The following BANK1 variants were observed in gnomAD, a reference collection of about 807,000 sequenced individuals.
BANK1 encodes B cell scaffold protein with ankyrin repeats 1.
In BANK1, 95 loss-of-function variants were observed where a neutral mutation model predicts 94.5. The observed-to-expected ratio is 1.00, with a 90% CI of 0.85 to 1.19. BANK1 has a LOEUF of 1.19. Ranked by LOEUF, BANK1 falls within the 50% of genes most tolerant of loss-of-function variation. The pLI is 0.00. For synonymous variants in BANK1, 334 were observed against 308.4 expected (o/e 1.08, Z -0.87); for missense variants, 987 against 932.2 (o/e 1.06, Z -0.77).
chr4:101,830,504 C>A (rs1013821220), intron 2 of BANK1, among the ~76,000 whole-genome samples: 1 of 152,028 alleles, frequency 6.6e-6, no homozygotes, highest in African/African-American at 2.4e-5. Flanking sequence ...AGTCATATGA[C>A]AGTTTGGTTC....
intron 3 of BANK1, among the ~76,000 whole-genome samples, chr4:101,861,839 T>G (rs1245642644): frequency 6.6e-6 from 1 of 152,090 alleles, no homozygotes; most frequent in Non-Finnish European, 1.5e-5. Context: ...AATCTTTCAT[T>G]CCTAGTATTT....
At chr4:101,932,750 A>C (rs1723400547) in intron 7 of BANK1, among the ~76,000 whole-genome samples, 1 of 151,556 alleles carries the variant, frequency 6.6e-6, no homozygotes, top group African/African-American at 2.4e-5. Context: ...GAAAATATAT[A>C]CATGTACTGG....
At chr4:101,938,880 C>A (rs142064534) in intron 7 of BANK1, among the ~76,000 whole-genome samples, 23 of 151,818 alleles carry the variant, frequency 1.5e-4, no homozygotes, top group Non-Finnish European at 3.1e-4. Flanking sequence ...AGTCAACTCT[C>A]ATCTCTCCCT....
At chr4:101,823,015 T>C (rs1305869371) in intron 1 of BANK1, among the ~76,000 whole-genome samples, 1 of 152,172 alleles carries the variant, frequency 6.6e-6, no homozygotes, top group Non-Finnish European at 1.5e-5. Flanking sequence ...TGTGCATGTG[T>C]CTTTATGGTT....
At chr4:101,845,240 A>G (rs1469671533) in intron 2 of BANK1, among the ~76,000 whole-genome samples, 1 of 152,094 alleles carries the variant, frequency 6.6e-6, no homozygotes, top group Non-Finnish European at 1.5e-5. Context: ...TGTACCAACA[A>G]AAGTTAAAAA....
chr4:101,937,086 G>A (rs1281557493), intron 7 of BANK1, among the ~76,000 whole-genome samples: 2 of 151,658 alleles, frequency 1.3e-5, no homozygotes, highest in Non-Finnish European at 3.0e-5. Flanking sequence ...AAAGAAAATG[G>A]GGTATGTGTT....
At chr4:101,852,932 T>C (rs533195005) in intron 2 of BANK1, among the ~76,000 whole-genome samples, 1 of 152,294 alleles carries the variant, frequency 6.6e-6, no homozygotes, top group African/African-American at 2.4e-5. Context: ...TGACTTCTCC[T>C]TCTTTTAAGG....
intron 6 of BANK1, among the ~76,000 whole-genome samples, chr4:101,906,869 C>T (rs1289542874): frequency 1.3e-5 from 2 of 152,188 alleles, no homozygotes; most frequent in East Asian, 3.9e-4. Flanking sequence ...AAGACCACCT[C>T]AGTTGGGGAG....
intron 3 of BANK1, among the ~76,000 whole-genome samples, chr4:101,856,527 C>T (rs1460514502): frequency 6.6e-6 from 1 of 152,070 alleles, no homozygotes; most frequent in African/African-American, 2.4e-5. Flanking sequence ...AAAAAGAAAA[C>T]CCTCTGAAAC....
chr4:101,884,667 C>T (rs1389515744), intron 5 of BANK1, among the ~76,000 whole-genome samples: 2 of 152,152 alleles, frequency 1.3e-5, no homozygotes, highest in African/African-American at 2.4e-5. Flanking sequence ...ATAAGAGTCT[C>T]CTTAATATCT....
chr4:101,906,945 G>T (rs1179903476), intron 6 of BANK1, among the ~76,000 whole-genome samples: 3 of 152,172 alleles, frequency 2.0e-5, no homozygotes, highest in African/African-American at 7.2e-5. Flanking sequence ...TGTGAAGTGG[G>T]AAATCAGGGG....
chr4:101,922,807 T>G (rs1179229977), intron 7 of BANK1, among the ~76,000 whole-genome samples: 1 of 151,892 alleles, frequency 6.6e-6, no homozygotes, highest in African/African-American at 2.4e-5. Flanking sequence ...TTTGACTGCA[T>G]GCATTATAAA....
chr4:101,811,495 C>T (rs1725729341), intron 1 of BANK1, among the ~76,000 whole-genome samples: 1 of 152,038 alleles, frequency 6.6e-6, no homozygotes, highest in Non-Finnish European at 1.5e-5. Flanking sequence ...TTATAATATA[C>T]TGCAGCCCTC....
chr4:102,025,309 G>T lies in BANK1; in HGVS notation c.1394G>T (p.Gly465Val). 1 of 1,614,066 alleles carries T rather than the reference G, an allele frequency of 6.2e-7. No individual in the cohort carries two copies. The highest frequency in any genetic ancestry group is 1.3e-5 in the African/African-American group (1 of 75,024). Reference protein sequence around the residue: ...MEGEGKQNGSGMETKHSPLEV... With the variant: ...MEGEGKQNGSVMETKHSPLEV... ...GGGGAAGGAAAACAGAATGGATCAG[G>T]CATGGAGACCAAACACAGCCCACTA... The change falls in exon 9 of 17, where the codon GGC becomes GTC. Residue 465 changes from glycine (G) to valine (V), a missense_variant. Physicochemically the swap from Gly to Val is moderately radical, Grantham distance 109. Coordinates refer to ENST00000322953, the MANE Select transcript of BANK1 (RefSeq NM_017935.5).
At chr4:102,010,033 A>C (rs532004970) in intron 7 of BANK1, among the ~76,000 whole-genome samples, 2 of 152,250 alleles carry the variant, frequency 1.3e-5, no homozygotes, top group Admixed American at 6.5e-5. Context: ...TTGGGAGGCT[A>C]AGGTGGGCAG....
At chr4:101,800,343 T>G (rs1725318499) in intron 1 of BANK1, among the ~76,000 whole-genome samples, 1 of 152,132 alleles carries the variant, frequency 6.6e-6, no homozygotes, top group Non-Finnish European at 1.5e-5. Context: ...TCTTCTATGT[T>G]TCTGGAGCTC....
chr4:101,848,238 C>T (rs578205703), intron 2 of BANK1, among the ~76,000 whole-genome samples: 5 of 151,978 alleles, frequency 3.3e-5, no homozygotes, highest in East Asian at 1.9e-4. Context: ...AGGAGCAGTC[C>T]GCTTCCTCCA....
chr4:101,967,120 C>T (rs377140879), intron 7 of BANK1, among the ~76,000 whole-genome samples: 5 of 152,026 alleles, frequency 3.3e-5, no homozygotes, highest in East Asian at 1.9e-4. Flanking sequence ...ATGAGTGGAA[C>T]TGAAATGTTG....
At chr4:101,801,485 G>GACTTTAAAT (rs1202513756) in intron 1 of BANK1, among the ~76,000 whole-genome samples, 1 of 152,124 alleles carries the variant, frequency 6.6e-6, no homozygotes, top group African/African-American at 2.4e-5. Flanking sequence ...TCTCTCTCAT[G>GACTTTAAAT]ACATATTGTT....
Sources: allele counts gnomAD v4.1 joint callset (sites outside exome capture counted in the v4.1 genomes callset), GRCh38; gene constraint gnomAD v4.1.1; transcripts MANE v1.5; gene names NCBI Gene and HGNC (gene_info 2026-07-23, HGNC 2026-07-21).